SLCO5A1: variants seen among roughly 807,000 people sequenced by gnomAD.
The protein encoded by SLCO5A1 is organic anion transporter polypeptide-related protein 4.
SLCO5A1 carries 39 observed loss-of-function variants against 65.1 expected under a neutral mutation model. The observed-to-expected ratio is 0.60, with a 90% CI of 0.46 to 0.78. The LOEUF is 0.78. SLCO5A1 is among the 30% of genes least tolerant of loss of function. SLCO5A1 has a pLI of 0.00. For synonymous variants in SLCO5A1, 438 were observed against 415.7 expected, an observed-to-expected ratio of 1.05 and a Z score of -0.65; for missense variants, 1,029 against 1,069.4, an observed-to-expected ratio of 0.96 and a Z score of 0.53.
chr8:69,765,849 T>C (rs1818038958), intron 2 of SLCO5A1, among the ~76,000 whole-genome samples: 1 of 152,174 alleles, frequency 6.6e-6, no homozygotes, highest in African/African-American at 2.4e-5. Context: ...GGATCCTACC[T>C]ATTCTTCAAG....
rs145892827 is a variant in SLCO5A1 at position 69,735,185 on chromosome 8, G to A, written c.1423+2855C>T. On this transcript the variant is annotated intron_variant, in intron 5 of 9. Coordinates refer to ENST00000260126, the MANE Select transcript of SLCO5A1 (RefSeq NM_030958.3). ...TCAAGAAACAACAGATGCTGCCAAG[G>A]CTGTAGAGAAATAGGAACGCTTTTA... Among the ~76,000 whole-genome samples, 979 of 152,290 alleles carry A rather than the reference G, an allele frequency of 6.4e-3. 11 individuals carry two copies. Among genetic ancestry groups the A allele is most frequent in the African/African-American group, 0.022 (927 of 41,558 alleles).
Position 69,832,470 on chromosome 8 carries a change from G to T in SLCO5A1, c.204C>A (p.Gly68=). Residue 68 remains glycine, a synonymous_variant, in exon 2 of 10, where the codon GGC becomes GGA. Coordinates refer to ENST00000260126, the MANE Select transcript of SLCO5A1 (RefSeq NM_030958.3). The surrounding 1 kb of genome is among the most constrained non-coding windows in gnomAD (Gnocchi z 4.5). ...TCGGGCCTTGCTTCAACTCCTGGTG[G>T]CCCGAAGAATCCACACAGCCAAAGG... is the stretch of plus-strand genomic sequence containing the variant. ...NPAFGCVDSS[G]HQELKQGPNP... 2 of 1,612,932 alleles carry T rather than the reference G, an allele frequency of 1.2e-6. No individual in the cohort carries two copies. The highest frequency in any genetic ancestry group is 1.7e-6 in the Non-Finnish European group (2 of 1,179,578).
chr8:69,676,924 G>T (rs1168237050), intron 8 of SLCO5A1, among the ~76,000 whole-genome samples: 1 of 152,326 alleles, frequency 6.6e-6, no homozygotes, highest in East Asian at 1.9e-4. Flanking sequence ...CTGGTAGAGG[G>T]TTAAAGGCTT....
chr8:69,799,702 A>G (rs1279806443), intron 2 of SLCO5A1, among the ~76,000 whole-genome samples: 2 of 152,320 alleles, frequency 1.3e-5, no homozygotes, highest in African/African-American at 2.4e-5. Context: ...TTCACATGGC[A>G]ATAGCGAAGA....
intron 6 of SLCO5A1, among the ~76,000 whole-genome samples, chr8:69,688,583 G>A (rs918680495): frequency 1.1e-4 from 14 of 128,916 alleles, no homozygotes; most frequent in East Asian, 2.4e-4. Flanking sequence ...GAGAACATGC[G>A]GTGTTTGGTT....
intron 2 of SLCO5A1, among the ~76,000 whole-genome samples, chr8:69,821,413 A>G (rs1820634733): frequency 6.6e-6 from 1 of 151,752 alleles, no homozygotes. Flanking sequence ...GATAAAGAAG[A>G]GGAAGAAGAA....
At chr8:69,752,037 C>T (rs927464558) in intron 4 of SLCO5A1, among the ~76,000 whole-genome samples, 20 of 152,226 alleles carry the variant, frequency 1.3e-4, no homozygotes, top group African/African-American at 4.8e-4. Context: ...TCTAGATCAG[C>T]CTGTGAAACA....
chr8:69,723,576 A>G (rs1291589926), intron 5 of SLCO5A1, among the ~76,000 whole-genome samples: 2 of 152,108 alleles, frequency 1.3e-5, no homozygotes, highest in Non-Finnish European at 2.9e-5. Flanking sequence ...CTCAAAATCA[A>G]AATTCACTTA....
intron 2 of SLCO5A1, among the ~76,000 whole-genome samples, chr8:69,801,524 C>A (rs1432059265): frequency 6.6e-6 from 1 of 152,154 alleles, no homozygotes; most frequent in Non-Finnish European, 1.5e-5. Context: ...CAGCAAAGTA[C>A]ATTACTATAG....
chr8:69,816,849 G>A (rs1247909977), intron 2 of SLCO5A1, among the ~76,000 whole-genome samples: 2 of 152,134 alleles, frequency 1.3e-5, no homozygotes, highest in African/African-American at 2.4e-5. Flanking sequence ...TATTTAACAT[G>A]TGCTAGAATG....
chr8:69,816,055 A>G (rs1820394440), intron 2 of SLCO5A1, among the ~76,000 whole-genome samples: 1 of 152,152 alleles, frequency 6.6e-6, no homozygotes, highest in Non-Finnish European at 1.5e-5. Flanking sequence ...CTCTGATTCT[A>G]TGATCTAGAG....
intron 2 of SLCO5A1, among the ~76,000 whole-genome samples, chr8:69,786,780 G>A (rs1369331952): frequency 6.6e-6 from 1 of 152,142 alleles, no homozygotes; most frequent in African/African-American, 2.4e-5. Flanking sequence ...GGTAATTGAG[G>A]AAAATGATGT....
intron 5 of SLCO5A1, among the ~76,000 whole-genome samples, chr8:69,731,249 C>T (rs1586736119): frequency 6.6e-6 from 1 of 152,322 alleles, no homozygotes; most frequent in Middle Eastern, 3.4e-3. Flanking sequence ...ATCCACCTGC[C>T]TCAGCTACCC....
chr8:69,755,616 T>C lies in SLCO5A1; in HGVS notation c.1066A>G (p.Ile356Val), dbSNP rs1486704192. 13 of 1,613,740 alleles carry C rather than the reference T, an allele frequency of 8.1e-6. No homozygotes were observed. Among genetic ancestry groups the C allele is most frequent in the Admixed American group, 5.0e-5 (3 of 59,960 alleles). ...GGGAATATCACAAGAAACATTGCAA[T>C]GGCACAAAGGAGGAATCCACTCCAC... Reference protein sequence around the residue: ...NWWSGFLLCAIAMFLVIFPMF... With the variant: ...NWWSGFLLCAVAMFLVIFPMF... Residue 356 changes from isoleucine to valine, a missense_variant, in exon 4 of 10, where the codon ATT becomes GTT. Ile to Val is a conservative substitution (Grantham distance 29). Coordinates refer to ENST00000260126, the MANE Select transcript of SLCO5A1 (RefSeq NM_030958.3).
Position 69,808,664 on chromosome 8 carries a change from A to G in SLCO5A1, c.907+23103T>C, listed in dbSNP as rs546647579. Among the ~76,000 whole-genome samples, 6 of 152,318 alleles carry G rather than the reference A, an allele frequency of 3.9e-5. No individual in the cohort carries two copies. The East Asian group carries it at 1.2e-3, about 29-fold the overall frequency. On this transcript the variant is annotated intron_variant, in intron 2 of 9. Transcript: ENST00000260126. ...TTGTCTTTATAATAGAACAATTCAT[A>G]TTCTTTTGAGTTTATACCCAGTAAT...
At chr8:69,681,931 G>A (rs918854426) in intron 7 of SLCO5A1, among the ~76,000 whole-genome samples, 3 of 152,048 alleles carry the variant, frequency 2.0e-5, no homozygotes, top group Non-Finnish European at 4.4e-5. Flanking sequence ...CTGACTTGGC[G>A]CAGAATATAA....
intron 2 of SLCO5A1, among the ~76,000 whole-genome samples, chr8:69,823,178 TG>T (rs1440198576): frequency 1.3e-5 from 2 of 152,196 alleles, no homozygotes; most frequent in African/African-American, 4.8e-5. Context: ...TTACAAATTA[TG>T]GTCTACATTG....
intron 3 of SLCO5A1, among the ~76,000 whole-genome samples, chr8:69,757,431 G>A (rs898487260): frequency 2.0e-5 from 3 of 152,036 alleles, no homozygotes; most frequent in African/African-American, 7.2e-5. Context: ...CACCTGAGGT[G>A]TAATCCCAGC....
intron 2 of SLCO5A1, among the ~76,000 whole-genome samples, chr8:69,824,828 A>C (rs1450380583): frequency 6.6e-6 from 1 of 152,228 alleles, no homozygotes; most frequent in Non-Finnish European, 1.5e-5. Flanking sequence ...CAACCAAAAA[A>C]GAGAATTTTA....
Sources: allele counts gnomAD v4.1 joint callset (sites outside exome capture counted in the v4.1 genomes callset), GRCh38; gene constraint gnomAD v4.1.1; non-coding constraint Gnocchi (gnomAD v3.1); transcripts MANE v1.5; gene names NCBI Gene and HGNC (gene_info 2026-07-23, HGNC 2026-07-21).